The following GRIK2 variants were observed in gnomAD, a reference collection of about 807,000 sequenced individuals.
The protein encoded by GRIK2 is glutamate ionotropic receptor kainate type subunit 2, also known as glutamate receptor ionotropic, kainate 2.
GRIK2 carries 32 observed loss-of-function variants against 100.3 expected under a neutral mutation model. The ratio of observed to expected loss-of-function variants is 0.32; its 90% CI spans 0.24 to 0.43. GRIK2 has a LOEUF of 0.43. Among genes scored for constraint, GRIK2 ranks in the 20% least tolerant of loss-of-function variants. The pLI is 1.00. For synonymous variants in GRIK2, 417 were observed against 389.4 expected (o/e 1.07, Z -0.83); for missense variants, 843 against 1,114.9 (o/e 0.76, Z 3.47).
chr6:102,001,949 T>C lies in GRIK2; in HGVS notation c.2086-33392T>C, dbSNP rs28473250. On this transcript the variant is annotated intron_variant, in intron 14 of 16. Coordinates refer to ENST00000369134, the MANE Select transcript of GRIK2 (RefSeq NM_021956.5). The stretch of plus-strand genomic sequence containing the variant: ...TTAATTTCAAAGTTTTTCGACTCTT[T>C]ACTTACAAGGCTTAATAGTTTTAAT... Among the ~76,000 whole-genome samples the C allele has an allele frequency of 8.4e-3, 1,281 of 152,000 alleles. 21 individuals carry two copies. The highest frequency in any genetic ancestry group is 0.03 in the African/African-American group (1,240 of 41,524).
intron 7 of GRIK2, among the ~76,000 whole-genome samples, chr6:101,710,259 G>T (rs1009838810): frequency 2.0e-5 from 3 of 151,782 alleles, no homozygotes; most frequent in African/African-American, 7.2e-5. Flanking sequence ...AGGTGAGATG[G>T]AAGAACAGGG....
At chr6:101,719,896 T>C (rs1774354817) in intron 7 of GRIK2, among the ~76,000 whole-genome samples, 1 of 151,842 alleles carries the variant, frequency 6.6e-6, no homozygotes, top group African/African-American at 2.4e-5. Context: ...CAAGGTATTC[T>C]GAGATTTTTT....
intron 7 of GRIK2, 150 bp from the exon 8 acceptor site, chr6:101,799,498 G>A: frequency 1.6e-6 from 1 of 613,278 alleles, no homozygotes. Context: ...AAGAGAACGA[G>A]AGCATGTTAG....
chr6:101,755,975 A>G (rs1183281964), intron 7 of GRIK2, among the ~76,000 whole-genome samples: 2 of 152,124 alleles, frequency 1.3e-5, no homozygotes, highest in African/African-American at 2.4e-5. Flanking sequence ...TATAAGGAAT[A>G]CTTTCTGTTA....
chr6:101,990,272 A>G (rs772713992), intron 14 of GRIK2, among the ~76,000 whole-genome samples: 5 of 151,700 alleles, frequency 3.3e-5, no homozygotes, highest in Non-Finnish European at 7.4e-5. Flanking sequence ...CAATGTGAGC[A>G]TTCCTATTAT....
intron 7 of GRIK2, among the ~76,000 whole-genome samples, chr6:101,798,961 T>C (rs767918667): frequency 5.3e-5 from 8 of 152,164 alleles, no homozygotes; most frequent in Non-Finnish European, 8.8e-5. Context: ...AATGAACTTT[T>C]ATTCATATGG....
intron 7 of GRIK2, among the ~76,000 whole-genome samples, chr6:101,794,266 T>C (rs1181210763): frequency 1.3e-5 from 2 of 152,118 alleles, no homozygotes; most frequent in Non-Finnish European, 2.9e-5. Context: ...ACCCGGTACC[T>C]CAGATGGAAA....
At chr6:101,658,934 CAGAT>C (rs1300109939) in intron 4 of GRIK2, among the ~76,000 whole-genome samples, 3 of 152,130 alleles carry the variant, frequency 2.0e-5, no homozygotes, top group African/African-American at 7.2e-5. Context: ...AGCCCTTTGT[CAGAT>C]AGATAGATAG....
In GRIK2 at chr6:101,948,076, A is replaced by AT. The variant is rs897892012; in HGVS notation, c.2085+19449dup. Among the ~76,000 whole-genome samples, 104 of 152,156 alleles carry AT rather than the reference A, an allele frequency of 6.8e-4. 2 individuals carry two copies. The highest frequency in any genetic ancestry group is 2.5e-3 in the African/African-American group (102 of 41,544). Reference sequence around the variant, plus strand: ...CTCAGTTTGAATTTACACTTATTTTATTTTTCAGTTTATTTGTTTGGAAAA... The same window carrying AT: ...CTCAGTTTGAATTTACACTTATTTTATTTTTTCAGTTTATTTGTTTGGAAAA... On this transcript the variant is annotated intron_variant, in intron 14 of 16. Coordinates refer to ENST00000369134, the MANE Select transcript of GRIK2 (RefSeq NM_021956.5).
intron 4 of GRIK2, among the ~76,000 whole-genome samples, chr6:101,643,929 CAT>C (rs2128325538): frequency 6.6e-6 from 1 of 151,810 alleles, no homozygotes; most frequent in East Asian, 1.9e-4. Context: ...AATCAACTAA[CAT>C]AGATTCTTTC....
At chr6:102,042,683 G>A (rs1250737122) in intron 15 of GRIK2, among the ~76,000 whole-genome samples, 1 of 151,542 alleles carries the variant, frequency 6.6e-6, no homozygotes, top group East Asian at 1.9e-4. Flanking sequence ...TTTTACATTA[G>A]ATTTGGAAAA....
At chr6:101,558,224 A>G (rs1051307904) in intron 2 of GRIK2, among the ~76,000 whole-genome samples, 2 of 152,202 alleles carry the variant, frequency 1.3e-5, no homozygotes, top group African/African-American at 2.4e-5. Context: ...AGCTTTCCAC[A>G]TTCAATAAAC....
chr6:101,991,845 A>G (rs1373355828), intron 14 of GRIK2, among the ~76,000 whole-genome samples: 3 of 151,626 alleles, frequency 2.0e-5, no homozygotes, highest in Admixed American at 6.6e-5. Context: ...TTTAGCAACC[A>G]TATCAACATG....
chr6:101,823,870 T>G (rs368023712), intron 10 of GRIK2, among the ~76,000 whole-genome samples: 4 of 131,716 alleles, frequency 3.0e-5, no homozygotes, highest in African/African-American at 1.6e-4. Flanking sequence ...CTGTTTTTTT[T>G]TTTTTGTTTT....
chr6:101,847,560 T>G (rs992861194), intron 10 of GRIK2, among the ~76,000 whole-genome samples: 24 of 152,278 alleles, frequency 1.6e-4, no homozygotes, highest in African/African-American at 5.8e-4. Flanking sequence ...AGAGATTTCC[T>G]TAAACTCCTG....
chr6:101,650,762 C>T (rs972996377), intron 4 of GRIK2, among the ~76,000 whole-genome samples: 6 of 152,058 alleles, frequency 3.9e-5, no homozygotes, highest in African/African-American at 1.4e-4. Context: ...AATTCCCTCT[C>T]CCCTTTATTT....
chr6:101,945,642 T>G (rs1257470040), intron 14 of GRIK2, among the ~76,000 whole-genome samples: 4 of 152,286 alleles, frequency 2.6e-5, no homozygotes. Flanking sequence ...TTTACTACTA[T>G]TTTGTCTGCA....
At chr6:101,774,781 C>T (rs1002950304) in intron 7 of GRIK2, among the ~76,000 whole-genome samples, 2 of 151,832 alleles carry the variant, frequency 1.3e-5, no homozygotes, top group Non-Finnish European at 2.9e-5. Flanking sequence ...TTTGTATAAA[C>T]GTTTAAAGGA....
chr6:101,493,449 A>C (rs968302234), intron 2 of GRIK2, among the ~76,000 whole-genome samples: 1 of 152,098 alleles, frequency 6.6e-6, no homozygotes, highest in Non-Finnish European at 1.5e-5. Flanking sequence ...GAAGTTAGTA[A>C]AATGATATCT....
Sources: gnomAD v4.1 joint callset for allele counts (sites outside exome capture counted in the v4.1 genomes callset) on GRCh38, gnomAD v4.1.1 for gene constraint, MANE v1.5 for transcripts, NCBI Gene and HGNC (gene_info 2026-07-23, HGNC 2026-07-21) for gene names.